DNAJC13: variants seen among roughly 807,000 people sequenced by gnomAD.
DNAJC13 encodes DnaJ heat shock protein family (Hsp40) member C13.
Under a neutral mutation model 290.5 loss-of-function variants are expected in DNAJC13, and 75 were observed. The observed-to-expected ratio is 0.26, with a 90% confidence interval of 0.21 to 0.31. The LOEUF is 0.31. DNAJC13 is among the 10% of genes least tolerant of loss of function. The probability of loss-of-function intolerance (pLI) is 1.00; values close to 1 mark genes in which losing one functional copy is unlikely to be tolerated. For synonymous variants in DNAJC13, 862 were observed against 892.0 expected, an observed-to-expected ratio of 0.97 and a Z score of 0.60; for missense variants, 2,260 against 2,674.5, an observed-to-expected ratio of 0.85 and a Z score of 3.42.
intron 31 of DNAJC13, among the ~76,000 whole-genome samples, chr3:132,489,396 A>C (rs546496982): frequency 1.1e-4 from 16 of 152,082 alleles, no homozygotes; most frequent in Non-Finnish European, 2.2e-4. Flanking sequence ...CTTTTTGTTC[A>C]GATCCCAAAG....
intron 29 of DNAJC13, among the ~76,000 whole-genome samples, chr3:132,487,663 C>T (rs907636501): frequency 8.1e-5 from 12 of 148,556 alleles, no homozygotes; most frequent in South Asian, 2.1e-4. Flanking sequence ...TATTAAGCTT[C>T]GTAGATAAAA....
At chr3:132,494,395 A>G (rs1008395898) in intron 34 of DNAJC13, 136 bp downstream of exon 34, 72 of 697,828 alleles carry the variant, frequency 1.0e-4, no homozygotes, top group Non-Finnish European at 5.2e-5. Context: ...GAATAACCAT[A>G]TGGAACTATA....
intron 13 of DNAJC13, among the ~76,000 whole-genome samples, chr3:132,459,430 A>AT (rs1253402985): frequency 1.3e-5 from 2 of 152,274 alleles, no homozygotes; most frequent in East Asian, 3.9e-4. Flanking sequence ...GGAAGGCAGA[A>AT]TGGGGAATTA....
chr3:132,431,466 A>C (rs1474023933), intron 1 of DNAJC13, among the ~76,000 whole-genome samples: 2 of 152,198 alleles, frequency 1.3e-5, no homozygotes. Flanking sequence ...ACATTTGAAC[A>C]CAGATTTGAA....
chr3:132,456,746 A>C lies in DNAJC13; in HGVS notation c.1263A>C (p.Ser421=), dbSNP rs147507593. The C allele has an allele frequency of 3.5e-4, 571 of 1,613,988 alleles. 1 individual carries two copies. Among genetic ancestry groups the C allele is most frequent in the Non-Finnish European group, 4.7e-4 (554 of 1,179,972 alleles). ...CCCAAGAAGGGGATGTCGTTGCTTC[A>C]AATGCGGAACTTGAGAGTCAGTTCC... ...LLSQEGDVVA[S]NAELESQFQA... is the part of the protein sequence containing the mutation. Residue 421 remains serine (S), a synonymous_variant, in exon 12 of 56, where the codon TCA becomes TCC. Coordinates refer to ENST00000260818, the MANE Select transcript of DNAJC13 (RefSeq NM_015268.4).
At chr3:132,470,832 A>G (rs9681657) in intron 20 of DNAJC13, among the ~76,000 whole-genome samples, 185 of 100,656 alleles carry the variant, frequency 1.8e-3, no homozygotes, top group Middle Eastern at 7.7e-3. Flanking sequence ...GCGGCTGGCC[A>G]GGCGGGGGGC....
chr3:132,482,368 C>T, intron 27 of DNAJC13, 38 bp downstream of exon 27: 1 of 1,515,200 alleles, frequency 6.6e-7, no homozygotes, highest in Non-Finnish European at 9.1e-7. Flanking sequence ...AAGGTCTCAG[C>T]ATTTCTTATG....
At chr3:132,525,811 A>T (rs759032564) in intron 52 of DNAJC13, 22 bp downstream of exon 52, 2 of 1,608,142 alleles carry the variant, frequency 1.2e-6, no homozygotes, top group South Asian at 2.2e-5. Context: ...TACACTTAGT[A>T]GTTTATAAGC....
intron 1 of DNAJC13, among the ~76,000 whole-genome samples, chr3:132,427,133 A>ATATATTT (rs1310339480): frequency 2.5e-5 from 3 of 122,180 alleles, no homozygotes; most frequent in African/African-American, 9.8e-5. Flanking sequence ...ATATATATAT[A>ATATATTT]TTTTTTTTTT....
At chr3:132,445,954 G>GCTTCT (rs1933232330) in intron 2 of DNAJC13, among the ~76,000 whole-genome samples, 1 of 151,934 alleles carries the variant, frequency 6.6e-6, no homozygotes, top group Admixed American at 6.6e-5. Flanking sequence ...TGTGGTGTAG[G>GCTTCT]CTTCCTACTT....
At chr3:132,443,410 C>A (rs1933136791) in intron 2 of DNAJC13, among the ~76,000 whole-genome samples, 2 of 152,176 alleles carry the variant, frequency 1.3e-5, no homozygotes, top group African/African-American at 2.4e-5. Context: ...GCCTCGGCCT[C>A]CCAAAGTGCT....
chr3:132,525,849 G>A, intron 52 of DNAJC13, 60 bp downstream of exon 52: 1 of 1,546,602 alleles, frequency 6.5e-7, no homozygotes, highest in Non-Finnish European at 8.8e-7. Flanking sequence ...CTCCCTTCTT[G>A]ACGGATATAA....
intron 20 of DNAJC13, among the ~76,000 whole-genome samples, chr3:132,468,278 C>T (rs566228692): frequency 6.6e-6 from 1 of 152,260 alleles, no homozygotes; most frequent in East Asian, 1.9e-4. Flanking sequence ...CATTGTTTCT[C>T]CTTAATCTTC....
intron 21 of DNAJC13, 114 bp from the exon 22 acceptor site, chr3:132,474,818 C>T (rs1409154925): frequency 9.1e-5 from 5 of 54,698 alleles, no homozygotes; most frequent in Admixed American, 2.1e-4. Flanking sequence ...ATCTATTCCC[C>T]CCCCCCCCTT....
At chr3:132,441,390 C>T (rs978304371) in intron 2 of DNAJC13, among the ~76,000 whole-genome samples, 2 of 152,218 alleles carry the variant, frequency 1.3e-5, no homozygotes, top group Non-Finnish European at 2.9e-5. Flanking sequence ...TATAACTAGA[C>T]AACCTTGCCT....
chr3:132,531,055 G>T lies in DNAJC13; in HGVS notation c.6583G>T (p.Asp2195Tyr). The T allele has an allele frequency of 3.1e-6, 5 of 1,614,076 alleles. No homozygotes were observed. Among genetic ancestry groups the T allele is most frequent in the Non-Finnish European group, 4.2e-6 (5 of 1,179,980 alleles). ...VWSAFKDQKHDLFISESQTAG... is the reference protein window; with the variant it reads ...VWSAFKDQKHYLFISESQTAG... ...GAGTGCCTTCAAAGATCAGAAACAT[G>T]ATTTGTTCATTTCTGAGTCACAAAC... The change falls in exon 55 of 56, where the codon GAT becomes TAT. Residue 2195 changes from aspartate (D) to tyrosine (Y), a missense_variant. By Grantham distance (160) the Asp-to-Tyr change is radical (BLOSUM62 -3). Around this residue, in one of 3 missense-constraint regions of DNAJC13, gnomAD observed 1,494 missense variants for 1,693.7 expected, o/e 0.88. Coordinates refer to ENST00000260818, the MANE Select transcript of DNAJC13 (RefSeq NM_015268.4).
Position 132,456,851 on chromosome 3 carries a change from C to A in DNAJC13, c.1349+19C>A, listed in dbSNP as rs373706533. On this transcript the variant is annotated intron_variant, in intron 12 of 55. Transcript: ENST00000260818. The stretch of plus-strand genomic sequence containing the variant: ...TTCCAAAGTAAGTTGTCTTCTGAAA[C>A]TTAACTTCTCTTAGAGAATTTGAAC... 27 of 1,607,914 alleles carry A rather than the reference C, an allele frequency of 1.7e-5. No homozygotes were observed. The East Asian group carries it at 5.4e-4, about 32-fold the overall frequency.
In DNAJC13 at chr3:132,450,702, A is replaced by G; in HGVS notation, c.392A>G (p.Glu131Gly). The G allele has an allele frequency of 6.2e-7, 1 of 1,613,296 alleles. No homozygotes were observed. The highest frequency in any genetic ancestry group is 8.5e-7 in the Non-Finnish European group (1 of 1,179,500). Reference sequence around the variant, plus strand: ...GACTCAAGAAAACCTGTAATTTTGGAAGTAACTCCAGGAGGCTTTGACCAA... The same window carrying G: ...GACTCAAGAAAACCTGTAATTTTGGGAGTAACTCCAGGAGGCTTTGACCAA... The part of the protein sequence containing the change: ...WSDSRKPVIL[E>G]VTPGGFDQIN... Residue 131 changes from glutamate (E) to glycine (G), a missense_variant, in exon 6 of 56, where the codon GAA (glutamate) becomes GGA (glycine). Glu to Gly is a moderately conservative substitution (Grantham distance 98). Transcript: ENST00000260818.
At chr3:132,513,654 A>C (rs1311533418) in intron 45 of DNAJC13, among the ~76,000 whole-genome samples, 1 of 152,194 alleles carries the variant, frequency 6.6e-6, no homozygotes, top group Non-Finnish European at 1.5e-5. Context: ...GCCAGAACCC[A>C]TGGGTCTTAA....
Sources: allele counts gnomAD v4.1 joint callset (sites outside exome capture counted in the v4.1 genomes callset), GRCh38; gene constraint gnomAD v4.1.1; regional missense constraint gnomAD v4.1.1; transcripts MANE v1.5; gene names NCBI Gene and HGNC (gene_info 2026-07-23, HGNC 2026-07-21).